PAK5: variants seen among roughly 807,000 people sequenced by gnomAD.
The protein encoded by PAK5 is serine/threonine-protein kinase PAK 5.
Under a neutral mutation model 65.9 loss-of-function variants are expected in PAK5, and 16 were observed. The ratio of observed to expected loss-of-function variants is 0.24; its 90% confidence interval spans 0.16 to 0.37. PAK5 has a LOEUF of 0.37. Among genes scored for constraint, PAK5 ranks in the 10% least tolerant of loss-of-function variants. The pLI, the probability that PAK5 is intolerant of heterozygous loss-of-function variation, is 1.00. For missense variants in PAK5, 785 were observed against 903.9 expected (o/e 0.87, Z 1.69); for synonymous variants, 371 against 354.9 (o/e 1.05, Z -0.51).
chr20:9,607,159 A>G (rs1349753700), intron 3 of PAK5, among the ~76,000 whole-genome samples: 4 of 152,178 alleles, frequency 2.6e-5, no homozygotes, highest in Non-Finnish European at 5.9e-5. Flanking sequence ...CTGAGTGATC[A>G]GAGTGAGCGC....
At chr20:9,544,955 G>A (rs1214297910) in intron 7 of PAK5, among the ~76,000 whole-genome samples, 7 of 152,150 alleles carry the variant, frequency 4.6e-5, no homozygotes, top group East Asian at 1.9e-4. Context: ...ACCATGAGGT[G>A]AATCAAAGAA....
At chr20:9,698,704 G>A (rs2047901182) in intron 2 of PAK5, among the ~76,000 whole-genome samples, 1 of 152,050 alleles carries the variant, frequency 6.6e-6, no homozygotes, top group African/African-American at 2.4e-5. Context: ...AGCTCAGAGA[G>A]GTTAAGAAGT....
intron 1 of PAK5, among the ~76,000 whole-genome samples, chr20:9,780,703 C>A (rs2048932248): frequency 6.6e-6 from 1 of 152,078 alleles, no homozygotes; most frequent in Non-Finnish European, 1.5e-5. Context: ...CCCTTGGAAG[C>A]TGCTACTCTA....
At chr20:9,701,246 A>G (rs933524849) in intron 2 of PAK5, among the ~76,000 whole-genome samples, 1 of 152,214 alleles carries the variant, frequency 6.6e-6, no homozygotes, top group Non-Finnish European at 1.5e-5. Context: ...GTGCATGTCA[A>G]ACTTTGAAAC....
chr20:9,736,677 GAA>G (rs2123570674), intron 1 of PAK5, among the ~76,000 whole-genome samples: 1 of 152,302 alleles, frequency 6.6e-6, no homozygotes, highest in East Asian at 1.9e-4. Flanking sequence ...ACCATCTTTA[GAA>G]GGCAACTTAA....
intron 2 of PAK5, among the ~76,000 whole-genome samples, chr20:9,678,404 A>G (rs2047604726): frequency 2.0e-5 from 3 of 152,318 alleles, no homozygotes; most frequent in South Asian, 2.1e-4. Context: ...CGTCTCTACT[A>G]AAAATACAAA....
intron 1 of PAK5, among the ~76,000 whole-genome samples, chr20:9,792,060 A>G (rs942841080): frequency 6.6e-6 from 1 of 152,102 alleles, no homozygotes; most frequent in African/African-American, 2.4e-5. Flanking sequence ...CTCCCCTACC[A>G]GACTGTAAGC....
At chr20:9,600,886 C>T (rs1392900872) in intron 3 of PAK5, among the ~76,000 whole-genome samples, 1 of 152,116 alleles carries the variant, frequency 6.6e-6, no homozygotes, top group South Asian at 2.1e-4. Context: ...AGGACCTTCT[C>T]TTCATTTTTT....
intron 1 of PAK5, among the ~76,000 whole-genome samples, chr20:9,731,888 C>T (rs901070928): frequency 1.3e-5 from 2 of 151,836 alleles, no homozygotes; most frequent in South Asian, 2.1e-4. Flanking sequence ...TATTCTGCAG[C>T]GTGGGTAATA....
At chr20:9,801,815 C>T (rs1254865504) in intron 1 of PAK5, among the ~76,000 whole-genome samples, 1 of 152,048 alleles carries the variant, frequency 6.6e-6, no homozygotes, top group African/African-American at 2.4e-5. Flanking sequence ...GCTTGAGATA[C>T]ATTAAAATTA....
At chr20:9,559,829 T>G (rs2045566068) in intron 6 of PAK5, among the ~76,000 whole-genome samples, 1 of 151,822 alleles carries the variant, frequency 6.6e-6, no homozygotes, top group Non-Finnish European at 1.5e-5. Context: ...TGACAAGAAA[T>G]GTTTTTGCCT....
At chr20:9,735,778 T>G (rs560607241) in intron 1 of PAK5, among the ~76,000 whole-genome samples, 29 of 152,066 alleles carry the variant, frequency 1.9e-4, no homozygotes, top group African/African-American at 7.0e-4. Context: ...ATCCCAGCAC[T>G]TTGGGAGGCT....
At chr20:9,582,625 T>C (rs1336966536) in intron 3 of PAK5, among the ~76,000 whole-genome samples, 4 of 152,136 alleles carry the variant, frequency 2.6e-5, no homozygotes, top group Non-Finnish European at 4.4e-5. Flanking sequence ...TGGGAACAAG[T>C]CAGTAAGTGT....
At chr20:9,685,799 A>T (rs1245773436) in intron 2 of PAK5, among the ~76,000 whole-genome samples, 1 of 152,214 alleles carries the variant, frequency 6.6e-6, no homozygotes, top group Non-Finnish European at 1.5e-5. Context: ...GCTCAATATC[A>T]GCTGGTACTA....
chr20:9,662,887 G>C (rs1023590363), intron 2 of PAK5, among the ~76,000 whole-genome samples: 4 of 152,078 alleles, frequency 2.6e-5, no homozygotes, highest in African/African-American at 9.7e-5. Context: ...CACTCAGCTA[G>C]CTAGTGGCAG....
chr20:9,563,107 T>A, intron 5 of PAK5, 83 bp from the exon 6 acceptor site: 2 of 1,231,634 alleles, frequency 1.6e-6, no homozygotes, highest in Non-Finnish European at 1.2e-6. Context: ...CAATTGTAAG[T>A]AAACTGATTG....
intron 2 of PAK5, among the ~76,000 whole-genome samples, chr20:9,655,058 T>G (rs1488243602): frequency 1.3e-5 from 2 of 152,202 alleles, no homozygotes; most frequent in Admixed American, 1.3e-4. Flanking sequence ...TATTACAAAG[T>G]TATCTAGCTC....
At chr20:9,657,575 T>A (rs888925825) in intron 2 of PAK5, among the ~76,000 whole-genome samples, 5 of 152,208 alleles carry the variant, frequency 3.3e-5, no homozygotes, top group Admixed American at 2.6e-4. Flanking sequence ...TAGTTTTACC[T>A]CTTTTGTGTT....
chr20:9,637,618 GA>G (rs1213480812), intron 3 of PAK5, among the ~76,000 whole-genome samples: 1 of 150,872 alleles, frequency 6.6e-6, no homozygotes, highest in Non-Finnish European at 1.5e-5. Context: ...TGGATAAATT[GA>G]AAAAAAAGCT....
Sources: gnomAD v4.1 joint callset for allele counts (sites outside exome capture counted in the v4.1 genomes callset) on GRCh38, gnomAD v4.1.1 for gene constraint, MANE v1.5 for transcripts, NCBI Gene and HGNC (gene_info 2026-07-23, HGNC 2026-07-21) for gene names.